The following KCNH4 variants were observed in gnomAD, a reference collection of about 807,000 sequenced individuals.
KCNH4 encodes voltage-gated delayed rectifier potassium channel KCNH4.
A neutral mutation model predicts 90.7 loss-of-function variants in KCNH4; 33 were observed. That is an observed-to-expected ratio of 0.36 (90% CI 0.28 to 0.49). The LOEUF (loss-of-function observed/expected upper bound fraction) is 0.49, where lower values mean the gene tolerates loss of function less well. Among genes scored for constraint, KCNH4 ranks in the 20% least tolerant of loss-of-function variants. The pLI is 0.98. For synonymous variants in KCNH4, 551 were observed against 581.7 expected, an observed-to-expected ratio of 0.95 and a Z score of 0.76; for missense variants, 1,044 against 1,387.1, an observed-to-expected ratio of 0.75 and a Z score of 3.93.
Position 42,163,693 on chromosome 17 carries a change from C to A in KCNH4, c.2390G>T (p.Gly797Val), listed in dbSNP as rs770748876. Residue 797 changes from glycine (G) to valine (V), a missense_variant, in exon 13 of 17, where the codon GGC (glycine) becomes GTC (valine). Transcript: ENST00000264661. This position sits in a 1 kb window ranked among gnomAD's most constrained non-coding sequence, Gnocchi z 5.4. ...CCAGGCAGCAGAGCACCTGGGGGGG[C>A]CGTGAGGGGAGGCACTGTGGCCCTG... ...AGQGHSASPH[G>V]PPRCSAAWKP... The A allele has an allele frequency of 2.0e-6, 3 of 1,510,150 alleles. No individual in the cohort carries two copies. The South Asian group carries it at 4.0e-5, about 20-fold the overall frequency. 93.5% of individuals were successfully genotyped at this position (1,510,150 alleles called of 1,614,324 possible).
intron 16 of KCNH4, among the ~76,000 whole-genome samples, chr17:42,158,881 G>A (rs377735286): frequency 2.6e-5 from 4 of 151,560 alleles, no homozygotes; most frequent in South Asian, 2.1e-4. Context: ...ATAGGGTCTC[G>A]CTATGTTGCT....
intron 6 of KCNH4, 119 bp downstream of exon 6, chr17:42,175,460 A>C: frequency 8.6e-7 from 1 of 1,168,594 alleles, no homozygotes; most frequent in Non-Finnish European, 1.3e-6. Context: ...GTGCCTGATA[A>C]ATATCTGCAG....
In KCNH4 at chr17:42,160,002, A is replaced by C; in HGVS notation, c.*38T>G. On this transcript the variant is annotated 3_prime_UTR_variant, in exon 16 of 17. Transcript: ENST00000264661. ...AGGTCCTCCCTGAGTGGTGAGCGGC[A>C]GCGCCCACCCCAGACAGGCCTGGGC... is the stretch of plus-strand genomic sequence containing the variant. 1 of 1,455,932 alleles carries C rather than the reference A, an allele frequency of 6.9e-7. No individual in the cohort carries two copies. The highest frequency in any genetic ancestry group is 9.1e-7 in the Non-Finnish European group (1 of 1,097,312). 90.2% of individuals were successfully genotyped at this position (1,455,932 alleles called of 1,614,324 possible). A position where few individuals can be genotyped will look rare whatever the true frequency, so the allele number is the denominator to read the frequency against.
chr17:42,172,729 A>C (rs1246593181), intron 6 of KCNH4, among the ~76,000 whole-genome samples: 2 of 151,972 alleles, frequency 1.3e-5, no homozygotes, highest in Non-Finnish European at 2.9e-5. Flanking sequence ...CTGACACCAC[A>C]GTCCACCTTG....
chr17:42,170,355 G>C (rs747827544), intron 7 of KCNH4, 54 bp from the exon 8 acceptor site: 2 of 1,494,358 alleles, frequency 1.3e-6, no homozygotes, highest in East Asian at 4.8e-5. Flanking sequence ...TGGAGAACCA[G>C]GGTTCCCTGA....
rs370426139 is a variant in KCNH4 at position 42,159,813 on chromosome 17, TC to T, written c.*226del. 269 of 403,004 alleles carry T rather than the reference TC, an allele frequency of 6.7e-4. 2 individuals are homozygous for T. In the East Asian group the frequency reaches 7.1e-3, roughly 11 times the overall value. The allele number at this position is 403,004 out of a possible 1,614,324, so 25.0% of individuals were successfully genotyped here. Reference sequence around the variant, plus strand: ...GCGGTTCATCTCATGCCTGCTGGGTTCCACAGCCCTCAGGTGGCTCCCCTCA... The same window carrying T: ...GCGGTTCATCTCATGCCTGCTGGGTTCACAGCCCTCAGGTGGCTCCCCTCA... On this transcript the variant is annotated 3_prime_UTR_variant, in exon 16 of 17. Transcript: ENST00000264661.
intron 6 of KCNH4, among the ~76,000 whole-genome samples, chr17:42,173,682 G>A (rs1181631674): frequency 1.4e-5 from 2 of 145,168 alleles, no homozygotes; most frequent in Admixed American, 7.0e-5. Context: ...TGGAAGTTTA[G>A]CGATCTGGTT....
At chr17:42,166,913 C>T (rs942469304) in intron 9 of KCNH4, among the ~76,000 whole-genome samples, 2 of 152,156 alleles carry the variant, frequency 1.3e-5, no homozygotes, top group Non-Finnish European at 2.9e-5. Flanking sequence ...CATTTCCGCT[C>T]GCTGGGCCTC....
chr17:42,167,971 C>G (rs1184058922), intron 9 of KCNH4, among the ~76,000 whole-genome samples: 1 of 152,188 alleles, frequency 6.6e-6, no homozygotes, highest in African/African-American at 2.4e-5. Flanking sequence ...CCCATTCCTG[C>G]GGGCTTATTG....
chr17:42,163,337 G>A lies in KCNH4; in HGVS notation c.2478-3C>T, dbSNP rs774337935. The A allele has an allele frequency of 6.2e-7, 1 of 1,608,670 alleles. No individual in the cohort carries two copies. The highest frequency in any genetic ancestry group is 8.5e-7 in the Non-Finnish European group (1 of 1,175,244). On this transcript the variant is annotated splice_polypyrimidine_tract_variant and splice_region_variant and intron_variant, in intron 13 of 16. Transcript: ENST00000264661. This position sits in a 1 kb window ranked among gnomAD's most constrained non-coding sequence, Gnocchi z 5.4. ...AGTCCTCAATGCCATCCACTATCCT[G>A]GGAACAGGGCAGTGCTCATCAGCAC...
At chr17:42,167,646 C>T (rs893620339) in intron 9 of KCNH4, among the ~76,000 whole-genome samples, 2 of 152,176 alleles carry the variant, frequency 1.3e-5, no homozygotes, top group African/African-American at 2.4e-5. Context: ...TGGTCTGACC[C>T]GGGACTCTCA....
chr17:42,171,358 C>G (rs911218273), intron 7 of KCNH4, among the ~76,000 whole-genome samples: 1 of 151,956 alleles, frequency 6.6e-6, no homozygotes. Flanking sequence ...GGACCATGCC[C>G]GGGATCTGAC....
chr17:42,158,413 C>A (rs1410996230), intron 16 of KCNH4, among the ~76,000 whole-genome samples: 1 of 150,064 alleles, frequency 6.7e-6, no homozygotes, highest in African/African-American at 2.5e-5. Flanking sequence ...CGCCGGTAGT[C>A]CCAGCTACTC....
chr17:42,157,043 G>C lies in KCNH4; in HGVS notation c.*385C>G, dbSNP rs2079714862. On this transcript the variant is annotated 3_prime_UTR_variant, in exon 17 of 17. Transcript: ENST00000264661. Reference sequence around the variant, plus strand: ...GAGAACAGGCTTGGCAGCGGTCTGGGGTCAGGGAAAGGATAGGGAGTGCTG... The same window carrying C: ...GAGAACAGGCTTGGCAGCGGTCTGGCGTCAGGGAAAGGATAGGGAGTGCTG... The C allele has an allele frequency of 6.6e-6, 1 of 152,482 alleles. No homozygotes were observed. Among genetic ancestry groups the C allele is most frequent in the Admixed American group, 6.5e-5 (1 of 15,282 alleles). The allele number at this position is 152,482 out of a possible 1,614,324, so 9.4% of individuals were successfully genotyped here.
Position 42,160,526 on chromosome 17 carries a change from C to T in KCNH4, c.2659-91G>A. ...AGTTTACAAAGCTCTTTCGCAGCCA[C>T]TTTCTGCTCATGGCCACCCTGGGAA... On this transcript the variant is annotated intron_variant, in intron 15 of 16. Transcript: ENST00000264661. 3.6e-6 allele frequency: 5 copies of T among 1,378,368 alleles called. No homozygotes were observed. The East Asian group carries it at 9.7e-5, about 27-fold the overall frequency. 85.4% of individuals were successfully genotyped at this position (1,378,368 alleles called of 1,614,324 possible).
chr17:42,177,365 T>TTA (rs1350195102), intron 4 of KCNH4, among the ~76,000 whole-genome samples: 1 of 136,274 alleles, frequency 7.3e-6, no homozygotes, highest in Non-Finnish European at 1.6e-5. Flanking sequence ...TAATTTTTAA[T>TTA]TTTTTTTTTT....
At chr17:42,171,007 A>C (rs2079823359) in intron 7 of KCNH4, among the ~76,000 whole-genome samples, 1 of 152,038 alleles carries the variant, frequency 6.6e-6, no homozygotes, top group African/African-American at 2.4e-5. Flanking sequence ...GCAGGTGGGG[A>C]GAGAAGGGGC....
intron 15 of KCNH4, 125 bp downstream of exon 15, chr17:42,162,123 T>C (rs1291512568): frequency 2.6e-6 from 2 of 757,154 alleles, no homozygotes; most frequent in Non-Finnish European, 4.4e-6. Flanking sequence ...TTTTGTATTT[T>C]TTAGCAGAGA....
intron 14 of KCNH4, 45 bp from the exon 15 acceptor site, chr17:42,162,366 C>T (rs35172139): frequency 6.5e-7 from 1 of 1,546,926 alleles, no homozygotes; most frequent in Non-Finnish European, 8.9e-7. Flanking sequence ...GCATTAATAC[C>T]TGAGCCTATA....
Sources: allele counts gnomAD v4.1 joint callset (sites outside exome capture counted in the v4.1 genomes callset), GRCh38; gene constraint gnomAD v4.1.1; non-coding constraint Gnocchi (gnomAD v3.1); transcripts MANE v1.5; gene names NCBI Gene and HGNC (gene_info 2026-07-23, HGNC 2026-07-21).